PACRG: variants seen among roughly 807,000 people sequenced by gnomAD.
PACRG encodes the protein parkin coregulated, also known as parkin coregulated gene protein.
In PACRG, 29 loss-of-function variants were observed where a neutral mutation model predicts 29.7. The observed-to-expected ratio is 0.98, with a 90% CI of 0.73 to 1.33. The LOEUF (loss-of-function observed/expected upper bound fraction) is 1.33, where lower values mean the gene tolerates loss of function less well. PACRG is among the 40% of genes most tolerant of loss of function. PACRG has a pLI of 0.00. For synonymous variants in PACRG, 116 were observed against 118.7 expected (o/e 0.98, Z 0.15); for missense variants, 279 against 316.2 (o/e 0.88, Z 0.89).
At chr6:163,125,097 G>A (rs1816463176) in intron 4 of PACRG, among the ~76,000 whole-genome samples, 1 of 152,180 alleles carries the variant, frequency 6.6e-6, no homozygotes, top group Non-Finnish European at 1.5e-5. Context: ...AACTCCAAGA[G>A]TGTATGTGGG....
At chr6:163,096,163 C>T (rs549479716) in intron 4 of PACRG, among the ~76,000 whole-genome samples, 1 of 152,328 alleles carries the variant, frequency 6.6e-6, no homozygotes, top group Non-Finnish European at 1.5e-5. Flanking sequence ...TGTTTCTCTT[C>T]TTCTTCGGTA....
At chr6:162,930,392 T>G (rs913518386) in intron 2 of PACRG, among the ~76,000 whole-genome samples, 1 of 151,944 alleles carries the variant, frequency 6.6e-6, no homozygotes, top group Non-Finnish European at 1.5e-5. Context: ...TTTTTCAGAT[T>G]GATTGCTTTT....
At chr6:163,161,236 T>G (rs74516181) in intron 4 of PACRG, among the ~76,000 whole-genome samples, 83 of 152,286 alleles carry the variant, frequency 5.5e-4, no homozygotes, top group Middle Eastern at 3.4e-3. Context: ...TTGTCATTAC[T>G]CCAGAGGTTG....
chr6:162,953,378 T>G (rs1799797225), intron 2 of PACRG, among the ~76,000 whole-genome samples: 1 of 152,194 alleles, frequency 6.6e-6, no homozygotes, highest in South Asian at 2.1e-4. Context: ...CATAGAAAAC[T>G]TCTTTTAATG....
intron 4 of PACRG, among the ~76,000 whole-genome samples, chr6:163,299,454 G>A (rs965638252): frequency 5.3e-5 from 8 of 152,210 alleles, no homozygotes; most frequent in Non-Finnish European, 7.3e-5. Flanking sequence ...CTGTGATGAG[G>A]AGAGTGGAGG....
chr6:162,778,006 C>A (rs184579014), intron 1 of PACRG, among the ~76,000 whole-genome samples: 1 of 152,072 alleles, frequency 6.6e-6, no homozygotes, highest in Non-Finnish European at 1.5e-5. Flanking sequence ...GTGAGCTAAC[C>A]GACACTATTC....
intron 3 of PACRG, among the ~76,000 whole-genome samples, chr6:163,075,493 A>T (rs1442874381): frequency 1.3e-5 from 2 of 152,208 alleles, no homozygotes; most frequent in Non-Finnish European, 2.9e-5. Context: ...ATCAAGGAAA[A>T]TTTATTAAAC....
At chr6:162,973,266 T>G (rs1801677607) in intron 2 of PACRG, among the ~76,000 whole-genome samples, 1 of 152,190 alleles carries the variant, frequency 6.6e-6, no homozygotes, top group Non-Finnish European at 1.5e-5. Flanking sequence ...CCTCAGTCCC[T>G]TGTCTGTAAA....
chr6:162,775,732 G>A (rs963954074), intron 1 of PACRG, among the ~76,000 whole-genome samples: 2 of 152,174 alleles, frequency 1.3e-5, no homozygotes, highest in African/African-American at 4.8e-5. Context: ...AGCAGATTCT[G>A]TATATCAGCT....
At chr6:163,205,384 A>C (rs953063664) in intron 4 of PACRG, among the ~76,000 whole-genome samples, 2 of 152,218 alleles carry the variant, frequency 1.3e-5, no homozygotes, top group Non-Finnish European at 2.9e-5. Flanking sequence ...CCAATGGAAC[A>C]GAATAGACAG....
chr6:163,050,653 T>C (rs1442119150), intron 2 of PACRG, among the ~76,000 whole-genome samples: 1 of 152,220 alleles, frequency 6.6e-6, no homozygotes, highest in Non-Finnish European at 1.5e-5. Flanking sequence ...TGAATGATAA[T>C]TTTACTAAGT....
chr6:163,089,384 C>G lies in PACRG; in HGVS notation c.589C>G (p.Leu197Val). The part of the protein sequence containing the change: ...VPYYRQILPV[L>V]NIFKNMNVNS... ...TTATTACCGTCAAATCCTCCCTGTC[C>G]TGAACATCTTTAAGAATATGAATGG... is the stretch of plus-strand genomic sequence containing the variant. The change falls in exon 4 of 5, where the codon CTG (leucine) becomes GTG (valine). Residue 197 changes from leucine (L) to valine (V), a missense_variant. Physicochemically the swap from Leu to Val is conservative, Grantham distance 32. Transcript: ENST00000366888. The G allele has an allele frequency of 1.2e-6, 2 of 1,614,086 alleles. No homozygotes were observed. The highest frequency in any genetic ancestry group is 1.7e-6 in the Non-Finnish European group (2 of 1,180,004).
intron 1 of PACRG, among the ~76,000 whole-genome samples, chr6:162,787,501 T>G (rs759082945): frequency 6.7e-6 from 1 of 148,176 alleles, no homozygotes. Context: ...TATATATGTA[T>G]ATGGCTATTG....
At chr6:163,092,098 A>T (rs1399827704) in intron 4 of PACRG, among the ~76,000 whole-genome samples, 1 of 152,224 alleles carries the variant, frequency 6.6e-6, no homozygotes, top group African/African-American at 2.4e-5. Context: ...TTAGAATGAG[A>T]CCAGATACAA....
chr6:163,088,003 G>A (rs969786091), intron 3 of PACRG, among the ~76,000 whole-genome samples: 3 of 152,216 alleles, frequency 2.0e-5, no homozygotes, highest in South Asian at 4.1e-4. Flanking sequence ...TTGACCTGGA[G>A]TGACTGGGAA....
intron 2 of PACRG, among the ~76,000 whole-genome samples, chr6:162,960,307 A>C (rs572002032): frequency 3.9e-4 from 59 of 152,360 alleles, no homozygotes; most frequent in African/African-American, 1.3e-3. Context: ...ACATGTACTC[A>C]TCTGTTTATT....
chr6:162,999,007 C>T (rs530138086), intron 2 of PACRG, among the ~76,000 whole-genome samples: 1 of 152,188 alleles, frequency 6.6e-6, no homozygotes, highest in African/African-American at 2.4e-5. Context: ...CCAGCAGTCA[C>T]AGCACCAGTC....
At chr6:162,949,897 G>A (rs1799518181) in intron 2 of PACRG, among the ~76,000 whole-genome samples, 1 of 152,098 alleles carries the variant, frequency 6.6e-6, no homozygotes, top group Non-Finnish European at 1.5e-5. Flanking sequence ...CTGTCTGCAT[G>A]GTTTCTGGGC....
chr6:163,299,355 C>G (rs1386919201), intron 4 of PACRG, among the ~76,000 whole-genome samples: 2 of 152,214 alleles, frequency 1.3e-5, no homozygotes, highest in African/African-American at 4.8e-5. Context: ...AGCTGTTGCT[C>G]TGGGGGTCCT....
Sources: allele counts gnomAD v4.1 joint callset (sites outside exome capture counted in the v4.1 genomes callset), GRCh38; gene constraint gnomAD v4.1.1; transcripts MANE v1.5; gene names NCBI Gene and HGNC (gene_info 2026-07-23, HGNC 2026-07-21).